IRAK3: variants seen among roughly 807,000 people sequenced by gnomAD.
IRAK3 encodes interleukin 1 receptor associated kinase 3, also known as interleukin-1 receptor-associated kinase 3.
In IRAK3, 57 loss-of-function variants were observed where a neutral mutation model predicts 56.6. The ratio of observed to expected loss-of-function variants is 1.01; its 90% CI spans 0.81 to 1.26. The LOEUF is 1.26. IRAK3 is among the 50% of genes most tolerant of loss of function. IRAK3 has a pLI of 0.00. For missense variants in IRAK3, 703 were observed against 719.0 expected (o/e 0.98, Z 0.25); for synonymous variants, 258 against 255.7 (o/e 1.01, Z -0.09).
intron 6 of IRAK3, among the ~76,000 whole-genome samples, chr12:66,222,649 A>G (rs1308482992): frequency 6.6e-6 from 1 of 152,136 alleles, no homozygotes; most frequent in Non-Finnish European, 1.5e-5. Flanking sequence ...TCTATGAAGT[A>G]GCTTATAATA....
At position 66,189,326 on chromosome 12, in the gene IRAK3, C is replaced by G; in HGVS notation, c.27C>G (p.Gly9=). The G allele has an allele frequency of 1.3e-6, 2 of 1,533,270 alleles. No individual in the cohort carries two copies. Among genetic ancestry groups the G allele is most frequent in the Non-Finnish European group, 1.7e-6 (2 of 1,146,032 alleles). 95.0% of individuals were successfully genotyped at this position (1,533,270 alleles called of 1,614,324 possible). The change falls in exon 1 of 12, where the codon GGC becomes GGG. Residue 9 remains glycine, a synonymous_variant. Transcript: ENST00000261233. MAGNCGAR[G]ALSAHTLLFD... ...TGGCGGGGAACTGTGGGGCCCGCGG[C>G]GCGCTGTCGGCGCACACGCTGCTGT...
rs150324935 is a variant in IRAK3 at position 66,226,715 on chromosome 12, G to A, written c.654-8G>A. ...ATTTGATGGCTTTAAAACATCTTTTGTTTCAAGGTTTCATCACCCAAACAT... is the reference window on the plus strand; with the variant it reads ...ATTTGATGGCTTTAAAACATCTTTTATTTCAAGGTTTCATCACCCAAACAT... On this transcript the variant is annotated splice_region_variant and splice_polypyrimidine_tract_variant and intron_variant, in intron 6 of 11. Coordinates refer to ENST00000261233, the MANE Select transcript of IRAK3 (RefSeq NM_007199.3). 1.6e-4 allele frequency: 248 copies of A among 1,505,878 alleles called. 1 individual carries two copies. In the East Asian group the frequency reaches 5.5e-3, roughly 34 times the overall value. The allele number at this position is 1,505,878 out of a possible 1,614,324, so 93.3% of individuals were successfully genotyped here.
intron 4 of IRAK3, among the ~76,000 whole-genome samples, chr12:66,211,240 C>T (rs749176129): frequency 1.9e-4 from 29 of 152,108 alleles, no homozygotes; most frequent in Non-Finnish European, 3.5e-4. Flanking sequence ...TGCTGCTGTC[C>T]GAAGAAACCC....
chr12:66,239,665 T>TAA (rs2052944821), intron 8 of IRAK3, among the ~76,000 whole-genome samples: 1 of 152,222 alleles, frequency 6.6e-6, no homozygotes, highest in Non-Finnish European at 1.5e-5. Flanking sequence ...TAGATATATA[T>TAA]AATTCTTTTT....
rs190599192 is a variant in IRAK3 at position 66,197,465 on chromosome 12, A to G, written c.134-6246A>G. On this transcript the variant is annotated intron_variant, in intron 1 of 11. Coordinates refer to ENST00000261233, the MANE Select transcript of IRAK3 (RefSeq NM_007199.3). The stretch of plus-strand genomic sequence containing the variant: ...TGGATCTAAATGAAGTATACATTTT[A>G]TGGATGCTAAAAATACTCTTTAGCA... 1,279 of 984,288 alleles carry G rather than the reference A, an allele frequency of 1.3e-3. 2 individuals carry two copies. Among genetic ancestry groups the G allele is most frequent in the Non-Finnish European group, 1.5e-3 (1,206 of 828,748 alleles). 61.0% of individuals were successfully genotyped at this position (984,288 alleles called of 1,614,324 possible). A position where few individuals can be genotyped will look rare whatever the true frequency, so the allele number is the denominator to read the frequency against.
intron 1 of IRAK3, among the ~76,000 whole-genome samples, chr12:66,191,846 T>C (rs896496069): frequency 7.9e-5 from 12 of 152,170 alleles, no homozygotes; most frequent in African/African-American, 2.7e-4. Flanking sequence ...CAAGCTTAAA[T>C]GTAGAAAACA....
At chr12:66,226,233 T>C (rs770195606) in intron 6 of IRAK3, among the ~76,000 whole-genome samples, 11 of 152,030 alleles carry the variant, frequency 7.2e-5, no homozygotes, top group Admixed American at 3.9e-4. Context: ...CTAGTATTTG[T>C]TAGAATTTTT....
chr12:66,234,696 G>T (rs904800011), intron 8 of IRAK3: 77 of 1,606,382 alleles, frequency 4.8e-5, no homozygotes, highest in Non-Finnish European at 6.3e-5. Flanking sequence ...CCATTAAAAT[G>T]ACCAGTAACA....
At chr12:66,207,708 GAT>G (rs1218508547) in intron 2 of IRAK3, among the ~76,000 whole-genome samples, 2 of 151,834 alleles carry the variant, frequency 1.3e-5, no homozygotes, top group African/African-American at 4.8e-5. Flanking sequence ...CATAACTTTT[GAT>G]ATGTTGTGTT....
intron 8 of IRAK3, among the ~76,000 whole-genome samples, chr12:66,238,249 G>A (rs2052928550): frequency 6.6e-6 from 1 of 152,236 alleles, no homozygotes; most frequent in Admixed American, 6.5e-5. Context: ...CTTAAGGGTA[G>A]CAGATAGACT....
chr12:66,212,212 G>A (rs188386014), intron 5 of IRAK3, among the ~76,000 whole-genome samples: 16 of 152,128 alleles, frequency 1.1e-4, no homozygotes, highest in Middle Eastern at 6.9e-3. Flanking sequence ...AGGATGAGCC[G>A]GGTCCTCTCC....
chr12:66,215,324 G>A (rs1337961689), intron 5 of IRAK3, among the ~76,000 whole-genome samples: 1 of 152,100 alleles, frequency 6.6e-6, no homozygotes, highest in Non-Finnish European at 1.5e-5. Flanking sequence ...TTCTTTCCAT[G>A]AGTCTGAATG....
intron 8 of IRAK3, chr12:66,235,312 C>CGGGCGCGGGGCAGCCT (rs765576390): frequency 8.1e-6 from 10 of 1,234,398 alleles, no homozygotes; most frequent in African/African-American, 4.7e-5. Flanking sequence ...GCGGCGGGCG[C>CGGGCGCGGGGCAGCCT]GGGCGCGGGG....
chr12:66,196,915 A>G, intron 1 of IRAK3: 2 of 1,534,524 alleles, frequency 1.3e-6, no homozygotes, highest in Admixed American at 2.0e-5. Context: ...TGGAGTCTTA[A>G]TTTTGCAGGG....
intron 1 of IRAK3, among the ~76,000 whole-genome samples, chr12:66,198,439 T>G (rs2052475549): frequency 1.3e-5 from 2 of 152,306 alleles, no homozygotes; most frequent in South Asian, 4.1e-4. Context: ...CATACCCTTT[T>G]CTATTCCTTT....
intron 5 of IRAK3, among the ~76,000 whole-genome samples, chr12:66,214,515 T>C (rs1183479793): frequency 1.4e-5 from 2 of 143,010 alleles, no homozygotes; most frequent in Non-Finnish European, 3.1e-5. Flanking sequence ...CATTTCAGTG[T>C]GGGCAACAGA....
chr12:66,237,431 TAC>T (rs2052920092), intron 8 of IRAK3, among the ~76,000 whole-genome samples: 1 of 152,122 alleles, frequency 6.6e-6, no homozygotes, highest in Non-Finnish European at 1.5e-5. Flanking sequence ...ATTATCTATA[TAC>T]AGCTAAAGAA....
chr12:66,229,150 G>A (rs2052818771), intron 8 of IRAK3, among the ~76,000 whole-genome samples: 1 of 152,178 alleles, frequency 6.6e-6, no homozygotes, highest in African/African-American at 2.4e-5. Context: ...AGTCTCCAGT[G>A]TCTTGCTCAT....
chr12:66,240,038 T>A (rs1330758415), intron 8 of IRAK3, among the ~76,000 whole-genome samples: 40 of 152,132 alleles, frequency 2.6e-4, no homozygotes, highest in Non-Finnish European at 1.3e-4. Context: ...GTTCCTTGAG[T>A]TGGTGTCTTT....
Sources: allele counts gnomAD v4.1 joint callset (sites outside exome capture counted in the v4.1 genomes callset), GRCh38; gene constraint gnomAD v4.1.1; transcripts MANE v1.5; gene names NCBI Gene and HGNC (gene_info 2026-07-23, HGNC 2026-07-21).